Variants in DOK6 observed in about 807,000 individuals in gnomAD.
The protein encoded by DOK6 is downstream of tyrosine kinase 6.
A neutral mutation model predicts 44.0 loss-of-function variants in DOK6; 22 were observed. The ratio of observed to expected loss-of-function variants is 0.50; its 90% CI spans 0.36 to 0.71. DOK6 has a LOEUF of 0.71. DOK6 is among the 30% of genes least tolerant of loss of function. The pLI is 0.00. For synonymous variants in DOK6, 166 were observed against 145.5 expected (o/e 1.14, Z -1.01); for missense variants, 340 against 416.4 (o/e 0.82, Z 1.60).
intron 1 of DOK6, among the ~76,000 whole-genome samples, chr18:69,485,485 G>A (rs1980549230): frequency 6.6e-6 from 1 of 152,088 alleles, no homozygotes; most frequent in Non-Finnish European, 1.5e-5. Context: ...CAGAATAAAG[G>A]CAAGAGGGCA....
intron 3 of DOK6, chr18:69,663,102 G>A (rs1239706835): frequency 6.6e-6 from 1 of 152,232 alleles, no homozygotes; most frequent in African/African-American, 2.4e-5. Context: ...GCTGAACAAT[G>A]TGTCAACCTT....
At chr18:69,559,623 T>C (rs184864111) in intron 1 of DOK6, among the ~76,000 whole-genome samples, 265 of 152,262 alleles carry the variant, frequency 1.7e-3, no homozygotes, top group African/African-American at 4.7e-3. Flanking sequence ...CTACCATCAC[T>C]GCTAGTTTTA....
chr18:69,616,593 A>T (rs4405640), intron 3 of DOK6, among the ~76,000 whole-genome samples: 143,931 of 152,210 alleles, frequency 0.95, 68,561 homozygotes, highest in Non-Finnish European at 1. Context: ...CTACTTTTTT[A>T]AAAACGTTTT....
At chr18:69,596,843 C>G (rs1403692285) in intron 2 of DOK6, among the ~76,000 whole-genome samples, 1 of 152,024 alleles carries the variant, frequency 6.6e-6, no homozygotes, top group East Asian at 1.9e-4. Context: ...ATATAATGTA[C>G]TTTTAGGCCT....
At chr18:69,726,504 A>G (rs567452030) in intron 5 of DOK6, among the ~76,000 whole-genome samples, 6 of 152,268 alleles carry the variant, frequency 3.9e-5, no homozygotes, top group African/African-American at 1.4e-4. Context: ...AAAGGAGCCC[A>G]GTGCCTAAGT....
chr18:69,492,466 C>A (rs1980763026), intron 1 of DOK6, among the ~76,000 whole-genome samples: 1 of 151,450 alleles, frequency 6.6e-6, no homozygotes, highest in Non-Finnish European at 1.5e-5. Context: ...CATAGATGTG[C>A]AGGTTTGTTA....
At chr18:69,750,199 G>A (rs1979130114) in intron 6 of DOK6, among the ~76,000 whole-genome samples, 1 of 151,764 alleles carries the variant, frequency 6.6e-6, no homozygotes, top group Non-Finnish European at 1.5e-5. Flanking sequence ...GACTTCCTAG[G>A]AGAACACAGA....
At chr18:69,675,973 A>G (rs1046368668) in intron 3 of DOK6, among the ~76,000 whole-genome samples, 1 of 152,160 alleles carries the variant, frequency 6.6e-6, no homozygotes, top group African/African-American at 2.4e-5. Flanking sequence ...GCCTCCACAA[A>G]TGGTGCATTT....
At chr18:69,496,327 A>C (rs1408925268) in intron 1 of DOK6, among the ~76,000 whole-genome samples, 1 of 152,214 alleles carries the variant, frequency 6.6e-6, no homozygotes, top group South Asian at 2.1e-4. Context: ...CTGCAGCTGC[A>C]TACCGGGAGT....
chr18:69,738,202 C>T (rs367614528), intron 5 of DOK6, among the ~76,000 whole-genome samples: 33 of 152,208 alleles, frequency 2.2e-4, no homozygotes, highest in African/African-American at 7.9e-4. Context: ...CTTTTTGGTG[C>T]TTAAAGAAAT....
intron 2 of DOK6, among the ~76,000 whole-genome samples, chr18:69,599,039 T>C (rs4603665): frequency 0.95 from 145,060 of 152,200 alleles, 69,520 homozygotes; most frequent in East Asian, 1. Context: ...TTAAATACAA[T>C]CAATATTCAG....
chr18:69,638,225 C>G (rs1484861920), intron 3 of DOK6, among the ~76,000 whole-genome samples: 1 of 152,226 alleles, frequency 6.6e-6, no homozygotes, highest in Admixed American at 6.5e-5. Context: ...ATGGGTATGA[C>G]TGTGTTCTAA....
chr18:69,722,344 C>T (rs1031317812), intron 5 of DOK6, among the ~76,000 whole-genome samples: 1 of 152,188 alleles, frequency 6.6e-6, no homozygotes, highest in Non-Finnish European at 1.5e-5. Context: ...GTGTGGGGGA[C>T]ATCCTCATTA....
chr18:69,585,012 A>AT (rs36067023), intron 2 of DOK6, among the ~76,000 whole-genome samples: 20 of 148,978 alleles, frequency 1.3e-4, no homozygotes, highest in Non-Finnish European at 2.7e-4. Context: ...TTTTGTTTAG[A>AT]TTTTTTTTTC....
At chr18:69,654,834 A>AC (rs1985321067) in intron 3 of DOK6, among the ~76,000 whole-genome samples, 1 of 152,080 alleles carries the variant, frequency 6.6e-6, no homozygotes, top group Non-Finnish European at 1.5e-5. Flanking sequence ...GAGATGGTGG[A>AC]TCACTTGAGT....
intron 3 of DOK6, among the ~76,000 whole-genome samples, chr18:69,648,247 A>G (rs1321223252): frequency 6.6e-6 from 1 of 152,208 alleles, no homozygotes; most frequent in African/African-American, 2.4e-5. Context: ...TCAATTCAAA[A>G]TGTTATTGTG....
intron 1 of DOK6, among the ~76,000 whole-genome samples, chr18:69,531,730 GA>G (rs1221059968): frequency 6.6e-6 from 1 of 151,996 alleles, no homozygotes; most frequent in Non-Finnish European, 1.5e-5. Context: ...TCTTTTTACT[GA>G]GGCCATAATA....
chr18:69,449,306 G>T (rs1451777136), intron 1 of DOK6, among the ~76,000 whole-genome samples: 1 of 152,168 alleles, frequency 6.6e-6, no homozygotes, highest in African/African-American at 2.4e-5. Context: ...CTTTGCTTCA[G>T]CATTGTAGAA....
intron 3 of DOK6, among the ~76,000 whole-genome samples, chr18:69,674,470 G>A (rs1376336569): frequency 5.3e-5 from 8 of 151,992 alleles, no homozygotes; most frequent in African/African-American, 1.5e-4. Flanking sequence ...CCCTGCAAAT[G>A]TCTTTCCCTC....
Sources: gnomAD v4.1 joint callset for allele counts (sites outside exome capture counted in the v4.1 genomes callset) on GRCh38, gnomAD v4.1.1 for gene constraint, MANE v1.5 for transcripts, NCBI Gene and HGNC (gene_info 2026-07-23, HGNC 2026-07-21) for gene names.